Variants in ABI1 observed in about 807,000 individuals in gnomAD.
ABI1 encodes the protein abl interactor 1.
Under a neutral mutation model 54.6 loss-of-function variants are expected in ABI1, and 14 were observed. The observed-to-expected ratio is 0.26, with a 90% CI of 0.17 to 0.40. The LOEUF is 0.40. Ranked by LOEUF, ABI1 falls within the 10% of genes least tolerant of loss-of-function variation. The pLI is 1.00. For missense variants in ABI1, 443 were observed against 598.3 expected, an observed-to-expected ratio of 0.74 and a Z score of 2.71; for synonymous variants, 194 against 209.3, an observed-to-expected ratio of 0.93 and a Z score of 0.63.
chr10:26,777,837 A>C (rs1841610404), intron 2 of ABI1, among the ~76,000 whole-genome samples: 1 of 152,118 alleles, frequency 6.6e-6, no homozygotes, highest in African/African-American at 2.4e-5. Flanking sequence ...AGTAGCTGAC[A>C]CTTTATTTAT....
At chr10:26,763,883 TCACA>T (rs746139789) in intron 7 of ABI1, 1 of 1,612,120 alleles carries the variant, frequency 6.2e-7, no homozygotes, top group Non-Finnish European at 8.5e-7. Context: ...ATCTCACCTA[TCACA>T]GTGCTCACTG....
intron 3 of ABI1, among the ~76,000 whole-genome samples, chr10:26,775,363 C>A (rs993557163): frequency 1.3e-5 from 2 of 151,920 alleles, no homozygotes; most frequent in African/African-American, 4.8e-5. Flanking sequence ...TCATCCCTCG[C>A]CAAAAATATA....
chr10:26,851,784 A>G (rs1255819942), intron 1 of ABI1, among the ~76,000 whole-genome samples: 1 of 152,160 alleles, frequency 6.6e-6, no homozygotes, highest in Non-Finnish European at 1.5e-5. Flanking sequence ...TTGGAGATGC[A>G]GTGGTAAGAA....
chr10:26,787,839 A>G (rs1181082699), intron 2 of ABI1, among the ~76,000 whole-genome samples: 1 of 151,820 alleles, frequency 6.6e-6, no homozygotes, highest in Non-Finnish European at 1.5e-5. Flanking sequence ...AGAGTACCCT[A>G]TAGCAATCCT....
chr10:26,816,663 G>A lies in ABI1; in HGVS notation c.285+6475C>T, dbSNP rs569681424. 3.3e-5 allele frequency among the ~76,000 whole-genome samples: 5 copies of A among 152,136 alleles called. No individual in the cohort carries two copies. The East Asian group carries it at 7.7e-4, about 23-fold the overall frequency. On this transcript the variant is annotated intron_variant, in intron 2 of 10. Coordinates refer to ENST00000376140, the MANE Select transcript of ABI1 (RefSeq NM_001012750.3). The stretch of plus-strand genomic sequence containing the variant: ...AAAACCCTTTAATTCTCAATACCTC[G>A]AATGTTTTACATTATGGTATACTAA...
At chr10:26,758,261 G>C (rs1417305717) in intron 8 of ABI1, among the ~76,000 whole-genome samples, 2 of 152,020 alleles carry the variant, frequency 1.3e-5, no homozygotes, top group African/African-American at 4.8e-5. Flanking sequence ...AGCCATGTAG[G>C]AAAGCTTGTC....
chr10:26,858,941 G>C (rs2051077717), intron 1 of ABI1, among the ~76,000 whole-genome samples: 1 of 152,084 alleles, frequency 6.6e-6, no homozygotes, highest in Admixed American at 6.6e-5. Context: ...TAACTTTTCT[G>C]GAAAGCGAGA....
intron 9 of ABI1, among the ~76,000 whole-genome samples, chr10:26,752,692 A>G (rs902684292): frequency 3.9e-5 from 6 of 152,138 alleles, no homozygotes; most frequent in African/African-American, 4.8e-5. Flanking sequence ...TGGTCAGTAT[A>G]TATGTGTGTG....
chr10:26,823,082 T>C, intron 2 of ABI1, 56 bp downstream of exon 2: 2 of 1,437,306 alleles, frequency 1.4e-6, no homozygotes, highest in Non-Finnish European at 1.9e-6. Flanking sequence ...TTTACTTCTT[T>C]GGCATATGCT....
At position 26,751,760 on chromosome 10, in the gene ABI1, G is replaced by A. The variant is rs1280752822; in HGVS notation, c.1108C>T (p.Pro370Ser). 1 of 1,612,326 alleles carries A rather than the reference G, an allele frequency of 6.2e-7. No homozygotes were observed. The highest frequency in any genetic ancestry group is 1.3e-5 in the African/African-American group (1 of 74,840). ...ENIADSPTPP[P>S]PPPPDDIPMF... is the part of the protein sequence containing the mutation. ...GGAATGTCATCTGGTGGAGGTGGTG[G>A]CGGTGGAGTTGGACTATCAGCAACT... The change falls in exon 10 of 11, where the codon CCA becomes TCA. Residue 370 changes from proline (P) to serine (S), a missense_variant. Transcript: ENST00000376140.
chr10:26,821,371 C>T (rs532878578), intron 2 of ABI1, among the ~76,000 whole-genome samples: 115 of 151,140 alleles, frequency 7.6e-4, no homozygotes, highest in Non-Finnish European at 1.2e-3. Context: ...TTAATAAGGC[C>T]AAAGATGTTT....
At chr10:26,811,359 C>A (rs2047217037) in intron 2 of ABI1, among the ~76,000 whole-genome samples, 2 of 152,126 alleles carry the variant, frequency 1.3e-5, no homozygotes, top group African/African-American at 2.4e-5. Context: ...TGTATCTCTA[C>A]TATAGCTTGC....
At chr10:26,829,217 T>C (rs1325873773) in intron 1 of ABI1, among the ~76,000 whole-genome samples, 2 of 150,502 alleles carry the variant, frequency 1.3e-5, no homozygotes, top group Non-Finnish European at 3.0e-5. Flanking sequence ...CAGAGCGAGA[T>C]TCTGTCTCAA....
chr10:26,771,021 C>T (rs1482377034), intron 4 of ABI1, 54 bp downstream of exon 4: 1 of 1,596,460 alleles, frequency 6.3e-7, no homozygotes, highest in East Asian at 2.2e-5. Context: ...GCTCTGCAGC[C>T]TCTATCAATA....
intron 2 of ABI1, among the ~76,000 whole-genome samples, chr10:26,807,580 C>T (rs1362281114): frequency 6.6e-6 from 1 of 152,176 alleles, no homozygotes; most frequent in Non-Finnish European, 1.5e-5. Context: ...TTCTTTTATC[C>T]TTGGCTGAGT....
intron 1 of ABI1, among the ~76,000 whole-genome samples, chr10:26,834,992 ACT>A (rs915349790): frequency 6.7e-6 from 1 of 149,892 alleles, no homozygotes; most frequent in Non-Finnish European, 1.5e-5. Context: ...AATCCCAGCT[ACT>A]CAAGAGGCTG....
intron 1 of ABI1, among the ~76,000 whole-genome samples, chr10:26,849,198 T>A (rs1472759976): frequency 6.6e-6 from 1 of 152,154 alleles, no homozygotes; most frequent in Non-Finnish European, 1.5e-5. Context: ...GACATTTGAA[T>A]TGAAGGTACA....
chr10:26,762,437 TTGTC>T (rs985389176), intron 7 of ABI1, among the ~76,000 whole-genome samples: 13 of 152,138 alleles, frequency 8.5e-5, no homozygotes, highest in African/African-American at 3.1e-4. Context: ...CAGATACTGA[TTGTC>T]TGGGGATGAC....
At chr10:26,770,177 C>A in intron 5 of ABI1, 68 bp downstream of exon 5, 1 of 1,332,372 alleles carries the variant, frequency 7.5e-7, no homozygotes, top group Non-Finnish European at 1.1e-6. Context: ...CATACACTTA[C>A]TTAAGTCACA....
Sources: gnomAD v4.1 joint callset for allele counts (sites outside exome capture counted in the v4.1 genomes callset) on GRCh38, gnomAD v4.1.1 for gene constraint, MANE v1.5 for transcripts, NCBI Gene and HGNC (gene_info 2026-07-23, HGNC 2026-07-21) for gene names.